REXO5: variants seen among roughly 807,000 people sequenced by gnomAD.
REXO5 encodes the protein RNA exonuclease 5.
REXO5 carries 48 observed loss-of-function variants against 88.5 expected under a neutral mutation model. The observed-to-expected ratio is 0.54, with a 90% CI of 0.43 to 0.69. REXO5 has a LOEUF of 0.69. Ranked by LOEUF, REXO5 falls within the 30% of genes least tolerant of loss-of-function variation. REXO5 has a pLI of 0.00. For missense variants in REXO5, 749 were observed against 912.2 expected (o/e 0.82, Z 2.30); for synonymous variants, 311 against 336.5 (o/e 0.92, Z 0.83).
At chr16:20,824,107 A>C (rs757014623) in intron 6 of REXO5, among the ~76,000 whole-genome samples, 17 of 152,210 alleles carry the variant, frequency 1.1e-4, no homozygotes, top group Non-Finnish European at 2.5e-4. Flanking sequence ...GCTGACATGG[A>C]AAGCGCCTAA....
intron 19 of REXO5, among the ~76,000 whole-genome samples, chr16:20,847,377 AGT>A (rs935356555): frequency 6.6e-6 from 1 of 150,740 alleles, no homozygotes; most frequent in Non-Finnish European, 1.5e-5. Context: ...CAGAGGTTGC[AGT>A]GAGCTGAGAT....
At position 20,840,437 on chromosome 16, in the gene REXO5, A is replaced by G; in HGVS notation, c.1595A>G (p.Gln532Arg). 1 of 1,562,978 alleles carries G rather than the reference A, an allele frequency of 6.4e-7. No homozygotes were observed. Among genetic ancestry groups the G allele is most frequent in the Non-Finnish European group, 8.7e-7 (1 of 1,144,348 alleles). Residue 532 changes from glutamine (Q) to arginine (R), a missense_variant, in exon 15 of 20, where the codon CAG becomes CGG. By Grantham distance (43) the Gln-to-Arg change is conservative (BLOSUM62 1). Coordinates refer to ENST00000261377, the MANE Select transcript of REXO5 (RefSeq NM_030941.3). ...KRLFKSFGPV[Q>R]SMTFVLETRQ... is the part of the protein sequence containing the mutation. The stretch of plus-strand genomic sequence containing the variant: ...CTGTTTAAAAGCTTTGGCCCAGTCC[A>G]GTCAATGACTTTTGTTCTTGAAACC...
At chr16:20,843,894 G>A in intron 15 of REXO5, 40 bp from the exon 16 acceptor site, 1 of 1,417,984 alleles carries the variant, frequency 7.1e-7, no homozygotes, top group Non-Finnish European at 9.9e-7. Context: ...AGCAGTTTGA[G>A]CTGGAAAGCA....
intron 13 of REXO5, among the ~76,000 whole-genome samples, chr16:20,838,929 C>T (rs2081481541): frequency 6.6e-6 from 1 of 152,124 alleles, no homozygotes; most frequent in Admixed American, 6.6e-5. Flanking sequence ...TTTCCTTTCC[C>T]ATTTACTGGA....
In REXO5 at chr16:20,846,201, A is replaced by T. The variant is rs1223367050; in HGVS notation, c.2125-20A>T. 6.3e-7 allele frequency: 1 copy of T among 1,595,102 alleles called. No homozygotes were observed. Among genetic ancestry groups the T allele is most frequent in the Non-Finnish European group, 8.6e-7 (1 of 1,162,778 alleles). ...GAGAGAGTGTTCTGGCTGAGTATCGACACATGGCTTTGATCCCAGACTCTG... is the reference window on the plus strand; with the variant it reads ...GAGAGAGTGTTCTGGCTGAGTATCGTCACATGGCTTTGATCCCAGACTCTG... On this transcript the variant is annotated intron_variant, in intron 18 of 19. Transcript: ENST00000261377.
chr16:20,848,500 G>T lies in REXO5; in HGVS notation c.2244-899G>T, dbSNP rs1232421561. 2.0e-5 allele frequency among the ~76,000 whole-genome samples: 3 copies of T among 152,300 alleles called. No individual in the cohort carries two copies. In the East Asian group the frequency reaches 5.8e-4, roughly 29 times the overall value. ...CACATAGCTAGTAAGTGCATAGTCA[G>T]GACTTGTACCCTGATGGTGTGTCTG... On this transcript the variant is annotated intron_variant, in intron 19 of 19. Transcript: ENST00000261377.
intron 5 of REXO5, among the ~76,000 whole-genome samples, chr16:20,821,348 G>A (rs1351120701): frequency 2.0e-5 from 3 of 152,044 alleles, no homozygotes; most frequent in Non-Finnish European, 4.4e-5. Flanking sequence ...GTGCAGTGGC[G>A]CGATCTCGGC....
intron 13 of REXO5, among the ~76,000 whole-genome samples, chr16:20,838,550 A>G (rs2081474540): frequency 6.6e-6 from 1 of 151,672 alleles, no homozygotes; most frequent in South Asian, 2.1e-4. Context: ...GACCTCCCAA[A>G]CCTGTTCTGG....
Position 20,833,041 on chromosome 16 carries a change from T to C in REXO5, c.1301T>C (p.Leu434Pro). The C allele has an allele frequency of 6.2e-7, 1 of 1,612,496 alleles. No individual in the cohort carries two copies. The highest frequency in any genetic ancestry group is 1.7e-5 in the Admixed American group (1 of 60,016). Residue 434 changes from leucine to proline, a missense_variant, in exon 13 of 20, where the codon CTT becomes CCT. Physicochemically the swap from Leu to Pro is moderately conservative, Grantham distance 98. Transcript: ENST00000261377. ...TTGGATTCAGTGGGTCAGAAGCTTC[T>C]TTTTTTGACCCGGGAGACAGATGCT... ...ECLDSVGQKL[L>P]FLTRETDAGE... is the part of the protein sequence containing the mutation.
chr16:20,849,409 T>C lies in REXO5; in HGVS notation c.2254T>C (p.Ser752Pro). 1 of 1,613,902 alleles carries C rather than the reference T, an allele frequency of 6.2e-7. No individual in the cohort carries two copies. Among genetic ancestry groups the C allele is most frequent in the Non-Finnish European group, 8.5e-7 (1 of 1,179,790 alleles). ...LLPGTKSTHG[S>P]LSGLGLMGIK... ...TCTTATTTATTGCAGCACTCATGGT[T>C]CACTCTCTGGTCTAGGACTGATGGG... Residue 752 changes from serine (S) to proline (P), a missense_variant, in exon 20 of 20, where the codon TCA (serine) becomes CCA (proline). Coordinates refer to ENST00000261377, the MANE Select transcript of REXO5 (RefSeq NM_030941.3).
chr16:20,812,206 A>G (rs996268116), intron 2 of REXO5, among the ~76,000 whole-genome samples: 2 of 152,184 alleles, frequency 1.3e-5, no homozygotes, highest in African/African-American at 4.8e-5. Context: ...GAATTACTTT[A>G]TTAAACAAAT....
In REXO5 at chr16:20,832,243, C is replaced by T; in HGVS notation, c.1246C>T (p.Gln416Ter). ...QEPKNTAEVL[Q>*]HPNTSVLECL... ...GCCTAAAAACACAGCAGAAGTACTT[C>T]AGCACCCAAACACAAGGTAATATTT... The change falls in exon 12 of 20, where the codon CAG (glutamine) becomes TAG (stop). Residue 416 changes from glutamine to a stop codon, truncating the protein, a stop_gained. Coordinates refer to ENST00000261377, the MANE Select transcript of REXO5 (RefSeq NM_030941.3). LOFTEE classifies it high-confidence loss of function. 1 of 1,608,326 alleles carries T rather than the reference C, an allele frequency of 6.2e-7. No homozygotes were observed. The highest frequency in any genetic ancestry group is 8.5e-7 in the Non-Finnish European group (1 of 1,176,422).
Position 20,826,731 on chromosome 16 carries a change from T to G in REXO5, c.822-327T>G, listed in dbSNP as rs192604852. On this transcript the variant is annotated intron_variant, in intron 8 of 19. Transcript: ENST00000261377. The stretch of plus-strand genomic sequence containing the variant: ...ATTTAAAAGGATGTGCTAAATAGAT[T>G]TATTGATGTGCAAATGTGTTTATGA... Among the ~76,000 whole-genome samples the G allele has an allele frequency of 2.6e-3, 396 of 152,312 alleles. 2 individuals are homozygous for G. The highest frequency in any genetic ancestry group is 4.8e-3 in the South Asian group (23 of 4,818).
chr16:20,820,537 TATATATA>T (rs369943395), intron 5 of REXO5, among the ~76,000 whole-genome samples: 103 of 11,294 alleles, frequency 9.1e-3, no homozygotes, highest in Non-Finnish European at 0.011. Context: ...TATATATATA[TATATATA>T]TTTTTTTTTT....
At chr16:20,812,641 A>G (rs538695079) in intron 2 of REXO5, among the ~76,000 whole-genome samples, 1 of 152,304 alleles carries the variant, frequency 6.6e-6, no homozygotes, top group South Asian at 2.1e-4. Context: ...GCATTGATCT[A>G]TGATCTGGCT....
At chr16:20,840,977 T>TA (rs1268389815) in intron 15 of REXO5, among the ~76,000 whole-genome samples, 2 of 152,180 alleles carry the variant, frequency 1.3e-5, no homozygotes, top group African/African-American at 4.8e-5. Flanking sequence ...AAAAGAGAAG[T>TA]AACTTTCATA....
intron 9 of REXO5, 32 bp downstream of exon 9, chr16:20,827,228 A>G (rs773658972): frequency 1.9e-6 from 3 of 1,613,624 alleles, no homozygotes; most frequent in Non-Finnish European, 2.5e-6. Flanking sequence ...TTGCATTTTC[A>G]GTATAAATGC....
At chr16:20,807,802 G>T (rs974981860) in intron 2 of REXO5, among the ~76,000 whole-genome samples, 3 of 150,442 alleles carry the variant, frequency 2.0e-5, no homozygotes, top group Non-Finnish European at 3.0e-5. Context: ...AATGTTCATC[G>T]ATATCCTGGG....
At chr16:20,836,784 T>G (rs2081437425) in intron 13 of REXO5, among the ~76,000 whole-genome samples, 1 of 152,252 alleles carries the variant, frequency 6.6e-6, no homozygotes, top group Admixed American at 6.5e-5. Context: ...TTTCAGCATT[T>G]GATGGTGTCA....
Sources: gnomAD v4.1 joint callset for allele counts (sites outside exome capture counted in the v4.1 genomes callset) on GRCh38, gnomAD v4.1.1 for gene constraint, MANE v1.5 for transcripts, NCBI Gene and HGNC (gene_info 2026-07-23, HGNC 2026-07-21) for gene names.